ROBO2: variants seen among roughly 807,000 people sequenced by gnomAD.
The protein encoded by ROBO2 is roundabout homolog 2.
Under a neutral mutation model 160.8 loss-of-function variants are expected in ROBO2, and 53 were observed. The ratio of observed to expected loss-of-function variants is 0.33; its 90% CI spans 0.26 to 0.41. The LOEUF is 0.41. ROBO2 is among the 10% of genes least tolerant of loss of function. ROBO2 has a pLI of 1.00. For synonymous variants in ROBO2, 664 were observed against 611.7 expected, an observed-to-expected ratio of 1.09 and a Z score of -1.26; for missense variants, 1,577 against 1,722.4, an observed-to-expected ratio of 0.92 and a Z score of 1.49.
chr3:76,342,168 C>T (rs2074266774), intron 2 of ROBO2, among the ~76,000 whole-genome samples: 2 of 152,098 alleles, frequency 1.3e-5, no homozygotes, highest in South Asian at 4.1e-4. Context: ...CCTCACAATT[C>T]CTTTAACAGG....
intron 6 of ROBO2, among the ~76,000 whole-genome samples, chr3:77,530,814 A>T (rs1393868178): frequency 2.6e-5 from 4 of 152,050 alleles, no homozygotes; most frequent in Non-Finnish European, 4.4e-5. Context: ...GTAGTTAACT[A>T]TGAATGCTGA....
At chr3:76,040,271 G>T (rs1344655369) in intron 2 of ROBO2, among the ~76,000 whole-genome samples, 1 of 151,396 alleles carries the variant, frequency 6.6e-6, no homozygotes, top group East Asian at 1.9e-4. Flanking sequence ...TTTTTTGAGT[G>T]CTTCAAATTT....
At chr3:76,660,330 T>G (rs903897344) in intron 2 of ROBO2, among the ~76,000 whole-genome samples, 1 of 152,214 alleles carries the variant, frequency 6.6e-6, no homozygotes, top group Non-Finnish European at 1.5e-5. Context: ...ACTGGAGCGG[T>G]GACCCAGTCG....
chr3:76,597,635 C>A (rs2086827364), intron 2 of ROBO2, among the ~76,000 whole-genome samples: 1 of 152,088 alleles, frequency 6.6e-6, no homozygotes, highest in Admixed American at 6.6e-5. Flanking sequence ...GAAACTGAAT[C>A]CACATATATT....
At chr3:76,396,183 A>T (rs889818489) in intron 2 of ROBO2, among the ~76,000 whole-genome samples, 1 of 152,154 alleles carries the variant, frequency 6.6e-6, no homozygotes, top group Non-Finnish European at 1.5e-5. Context: ...CAAATCAATA[A>T]ATGTAATCCA....
At chr3:76,111,201 C>A (rs904790191) in intron 2 of ROBO2, among the ~76,000 whole-genome samples, 1 of 151,938 alleles carries the variant, frequency 6.6e-6, no homozygotes, top group African/African-American at 2.4e-5. Context: ...GGGCAGAGGA[C>A]CATGTTAAGA....
chr3:76,533,266 TC>T (rs1306109445), intron 2 of ROBO2, among the ~76,000 whole-genome samples: 1 of 152,224 alleles, frequency 6.6e-6, no homozygotes. Flanking sequence ...GCATTGCGAA[TC>T]CAAAAGGGGG....
intron 2 of ROBO2, among the ~76,000 whole-genome samples, chr3:76,598,128 G>A (rs530698695): frequency 1.3e-5 from 2 of 151,498 alleles, no homozygotes; most frequent in African/African-American, 4.8e-5. Context: ...TACCTTGAAT[G>A]AATATTCAGG....
chr3:76,395,004 C>A (rs955936208), intron 2 of ROBO2, among the ~76,000 whole-genome samples: 1 of 152,124 alleles, frequency 6.6e-6, no homozygotes, highest in African/African-American at 2.4e-5. Flanking sequence ...ACTCTCCACC[C>A]CAAATCAACA....
intron 2 of ROBO2, among the ~76,000 whole-genome samples, chr3:76,797,558 G>C (rs1197920293): frequency 2.0e-5 from 3 of 151,020 alleles, no homozygotes; most frequent in Admixed American, 6.6e-5. Context: ...CCAAATACTA[G>C]AGGAAAAGAA....
chr3:77,000,647 A>G (rs1319747332), intron 2 of ROBO2, among the ~76,000 whole-genome samples: 3 of 152,192 alleles, frequency 2.0e-5, no homozygotes, highest in Non-Finnish European at 4.4e-5. Flanking sequence ...AGTGTCTTAC[A>G]TGTCTTTGTG....
chr3:76,895,902 T>C (rs1456781600), intron 2 of ROBO2, among the ~76,000 whole-genome samples: 3 of 152,210 alleles, frequency 2.0e-5, no homozygotes, highest in African/African-American at 4.8e-5. Flanking sequence ...TGCTTGCTTG[T>C]TTGATCTTTT....
intron 2 of ROBO2, among the ~76,000 whole-genome samples, chr3:77,164,224 G>C (rs1304300281): frequency 6.6e-6 from 1 of 152,200 alleles, no homozygotes; most frequent in Non-Finnish European, 1.5e-5. Context: ...TAAAAAAGTG[G>C]TATGTGGCAT....
rs764579514 is a variant in ROBO2 at position 77,562,735 on chromosome 3, G to A, written c.1519+3G>A. On this transcript the variant is annotated splice_donor_region_variant and intron_variant, in intron 10 of 25. Coordinates refer to ENST00000461745, the Ensembl canonical transcript of ROBO2. ...GAGTGCAGTGCTGGATGTGACAGGT[G>A]AGGACTTTGTGAATTAGGAGAAATC... The A allele has an allele frequency of 6.2e-7, 1 of 1,608,688 alleles. No individual in the cohort carries two copies. The highest frequency in any genetic ancestry group is 2.2e-5 in the East Asian group (1 of 44,746).
intron 2 of ROBO2, among the ~76,000 whole-genome samples, chr3:76,507,926 C>G (rs559617110): frequency 1.3e-5 from 2 of 152,236 alleles, no homozygotes; most frequent in East Asian, 3.9e-4. Flanking sequence ...TTCAATAGCA[C>G]ACAGCACTCC....
At chr3:77,580,944 G>A (rs138687238) in intron 16 of ROBO2, among the ~76,000 whole-genome samples, 85 of 152,170 alleles carry the variant, frequency 5.6e-4, no homozygotes, top group Middle Eastern at 3.4e-3. Context: ...ATATAATTTC[G>A]TACTCCCACC....
chr3:77,214,473 C>T (rs1048890698), intron 2 of ROBO2, among the ~76,000 whole-genome samples: 1 of 152,052 alleles, frequency 6.6e-6, no homozygotes, highest in Non-Finnish European at 1.5e-5. Flanking sequence ...CTATTTGTGT[C>T]GCTGCACATG....
At chr3:76,262,851 G>C (rs1706852113) in intron 2 of ROBO2, among the ~76,000 whole-genome samples, 1 of 152,034 alleles carries the variant, frequency 6.6e-6, no homozygotes, top group Admixed American at 6.6e-5. Flanking sequence ...TGCTTGGTAG[G>C]GCACAGCTAC....
At chr3:76,231,682 A>G (rs1704629330) in intron 2 of ROBO2, among the ~76,000 whole-genome samples, 1 of 152,210 alleles carries the variant, frequency 6.6e-6, no homozygotes, top group Admixed American at 6.5e-5. Flanking sequence ...TGTACTTACT[A>G]CATGTAAGAA....
Sources: gnomAD v4.1 joint callset for allele counts (sites outside exome capture counted in the v4.1 genomes callset) on GRCh38, gnomAD v4.1.1 for gene constraint, MANE v1.5 for transcripts, NCBI Gene and HGNC (gene_info 2026-07-23, HGNC 2026-07-21) for gene names.